PPP2R3A: variants seen among roughly 807,000 people sequenced by gnomAD.
PPP2R3A encodes protein phosphatase 2 regulatory subunit B''alpha, also known as serine/threonine-protein phosphatase 2A regulatory subunit B'' subunit alpha.
A neutral mutation model predicts 106.9 loss-of-function variants in PPP2R3A; 80 were observed. The observed-to-expected ratio is 0.75, with a 90% CI of 0.62 to 0.90. The LOEUF (loss-of-function observed/expected upper bound fraction) is 0.90. Among genes scored for constraint, PPP2R3A ranks in the 40% least tolerant of loss-of-function variants. The pLI is 0.00. For missense variants in PPP2R3A, 1,386 were observed against 1,350.4 expected, an observed-to-expected ratio of 1.03 and a Z score of -0.41; for synonymous variants, 483 against 468.3, an observed-to-expected ratio of 1.03 and a Z score of -0.41.
At chr3:136,076,750 C>T (rs1936609905) in intron 6 of PPP2R3A, among the ~76,000 whole-genome samples, 1 of 152,076 alleles carries the variant, frequency 6.6e-6, no homozygotes, top group African/African-American at 2.4e-5. Flanking sequence ...AGATGGAGAC[C>T]ATCCTGGCTA....
chr3:135,995,881 T>C (rs931046980), intron 1 of PPP2R3A, among the ~76,000 whole-genome samples: 7 of 152,234 alleles, frequency 4.6e-5, no homozygotes, highest in African/African-American at 1.7e-4. Flanking sequence ...ATTCAGACTC[T>C]TTAAAATCAC....
At chr3:136,089,741 A>T (rs1360383257) in intron 9 of PPP2R3A, among the ~76,000 whole-genome samples, 1 of 151,860 alleles carries the variant, frequency 6.6e-6, no homozygotes, top group African/African-American at 2.4e-5. Flanking sequence ...ATGACCATGG[A>T]ATGTTTTTCC....
At chr3:136,023,817 A>G (rs1934552763) in intron 2 of PPP2R3A, among the ~76,000 whole-genome samples, 1 of 152,122 alleles carries the variant, frequency 6.6e-6, no homozygotes, top group Non-Finnish European at 1.5e-5. Flanking sequence ...ATTTCTGCCT[A>G]TGATGAGTAC....
intron 4 of PPP2R3A, among the ~76,000 whole-genome samples, chr3:136,041,239 T>TG (rs1491417251): frequency 0.016 from 96 of 6,028 alleles, 2 homozygotes; most frequent in Middle Eastern, 0.12. Context: ...GTTTTTCTTG[T>TG]TTTTTTTTTT....
At chr3:136,030,577 A>G (rs1156406824) in intron 3 of PPP2R3A, among the ~76,000 whole-genome samples, 1 of 151,614 alleles carries the variant, frequency 6.6e-6, no homozygotes. Context: ...TTAGTCCCCA[A>G]AGTCCATTGT....
rs573705836 is a variant in PPP2R3A at position 135,972,079 on chromosome 3, T to C, written c.-441+6230T>C. On this transcript the variant is annotated intron_variant, in intron 1 of 13. Coordinates refer to ENST00000264977, the MANE Select transcript of PPP2R3A (RefSeq NM_002718.5). ...GCCATCACCGCTAATTCTGGAACAT[T>C]TTCATCACCCCAAAAGGAAACCCTG... Among the ~76,000 whole-genome samples the C allele has an allele frequency of 2.0e-5, 3 of 152,282 alleles. No individual in the cohort carries two copies. The South Asian group carries it at 6.2e-4, about 32-fold the overall frequency.
chr3:136,002,258 A>G lies in PPP2R3A; in HGVS notation c.760A>G (p.Ile254Val), dbSNP rs1404565238. 1.9e-6 allele frequency: 3 copies of G among 1,613,952 alleles called. No individual in the cohort carries two copies. The South Asian group carries it at 3.3e-5, about 18-fold the overall frequency. ...KKCTDIIKQC[I>V]KKKSGSSISE... ...ATGCACAGACATCATAAAACAATGC[A>G]TAAAGAAAAAATCAGGGAGTAGCAT... is the stretch of plus-strand genomic sequence containing the variant. The change falls in exon 2 of 14, where the codon ATA becomes GTA. Residue 254 changes from isoleucine (I) to valine (V), a missense_variant. Physicochemically the swap from Ile to Val is conservative, Grantham distance 29. Coordinates refer to ENST00000264977, the MANE Select transcript of PPP2R3A (RefSeq NM_002718.5).
rs557905930 is a variant in PPP2R3A at position 136,073,869 on chromosome 3, G to A, written c.2544+3317G>A. ...TTTTTCTAGAACAAATGTAAAATAAGGCCTTCTAGTATGAAATTAATTTTG... is the reference window on the plus strand; with the variant it reads ...TTTTTCTAGAACAAATGTAAAATAAAGCCTTCTAGTATGAAATTAATTTTG... On this transcript the variant is annotated intron_variant, in intron 6 of 13. Coordinates refer to ENST00000264977, the MANE Select transcript of PPP2R3A (RefSeq NM_002718.5). 3.3e-4 allele frequency among the ~76,000 whole-genome samples: 50 copies of A among 152,212 alleles called. 1 individual carries two copies. The Middle Eastern group carries it at 0.027, about 83-fold the overall frequency.
intron 1 of PPP2R3A, among the ~76,000 whole-genome samples, chr3:135,998,972 GAA>G (rs1469148158): frequency 1.3e-5 from 2 of 152,132 alleles, no homozygotes; most frequent in African/African-American, 4.8e-5. Flanking sequence ...TTTCTGAAAA[GAA>G]CATTTATTAA....
At chr3:135,967,663 G>C (rs1937125208) in intron 1 of PPP2R3A, among the ~76,000 whole-genome samples, 1 of 152,102 alleles carries the variant, frequency 6.6e-6, no homozygotes, top group Non-Finnish European at 1.5e-5. Flanking sequence ...TCTGGCCCCT[G>C]TTACCTTTCA....
At chr3:135,979,261 C>A (rs1459656066) in intron 1 of PPP2R3A, among the ~76,000 whole-genome samples, 1 of 151,538 alleles carries the variant, frequency 6.6e-6, no homozygotes, top group Non-Finnish European at 1.5e-5. Flanking sequence ...CACCTGCAAT[C>A]CCAGCTACTC....
chr3:136,134,931 T>C (rs1010591448), intron 13 of PPP2R3A, among the ~76,000 whole-genome samples: 23 of 152,140 alleles, frequency 1.5e-4, no homozygotes, highest in African/African-American at 5.5e-4. Context: ...AAAATATTAC[T>C]ATTGTTTTAT....
In PPP2R3A at chr3:136,092,587, T is replaced by C. The variant is rs112052269; in HGVS notation, c.2927+1920T>C. Among the ~76,000 whole-genome samples, 1,163 of 152,008 alleles carry C rather than the reference T, an allele frequency of 7.7e-3. 24 individuals are homozygous for C. Among genetic ancestry groups the C allele is most frequent in the African/African-American group, 0.026 (1,059 of 41,446 alleles). ...CAATGCTGAAAAAGTACAGAAAAAA[T>C]GTAGGACTCATATTTCCCTATTCCA... On this transcript the variant is annotated intron_variant, in intron 10 of 13. Transcript: ENST00000264977.
chr3:136,091,132 C>T (rs936372715), intron 10 of PPP2R3A, among the ~76,000 whole-genome samples: 4 of 152,164 alleles, frequency 2.6e-5, no homozygotes, highest in African/African-American at 9.7e-5. Flanking sequence ...TATTAATTTA[C>T]ACATTTCTTT....
At chr3:136,058,564 A>G (rs1935960927) in intron 5 of PPP2R3A, among the ~76,000 whole-genome samples, 1 of 152,248 alleles carries the variant, frequency 6.6e-6, no homozygotes, top group Non-Finnish European at 1.5e-5. Context: ...GCAAGAATTA[A>G]TATCACTAAA....
At chr3:136,051,237 T>C (rs1253344175) in intron 5 of PPP2R3A, among the ~76,000 whole-genome samples, 1 of 152,276 alleles carries the variant, frequency 6.6e-6, no homozygotes, top group Non-Finnish European at 1.5e-5. Flanking sequence ...TAAATCCTTG[T>C]TAGCTCTTAG....
chr3:136,036,706 C>T (rs1201868306), intron 3 of PPP2R3A, among the ~76,000 whole-genome samples: 2 of 152,120 alleles, frequency 1.3e-5, no homozygotes, highest in Non-Finnish European at 1.5e-5. Flanking sequence ...TGTTCTGGAG[C>T]GAAAATTCTC....
chr3:136,135,120 G>A (rs1451324959), intron 13 of PPP2R3A, among the ~76,000 whole-genome samples: 1 of 152,042 alleles, frequency 6.6e-6, no homozygotes, highest in Non-Finnish European at 1.5e-5. Flanking sequence ...GGAGGCAGGG[G>A]GTTGCAGACA....
At chr3:136,090,370 T>G (rs1455904581) in intron 9 of PPP2R3A, among the ~76,000 whole-genome samples, 1 of 152,216 alleles carries the variant, frequency 6.6e-6, no homozygotes, top group Non-Finnish European at 1.5e-5. Flanking sequence ...CCAGATTTCT[T>G]TTCTTCATAT....
Sources: gnomAD v4.1 joint callset for allele counts (sites outside exome capture counted in the v4.1 genomes callset) on GRCh38, gnomAD v4.1.1 for gene constraint, MANE v1.5 for transcripts, NCBI Gene and HGNC (gene_info 2026-07-23, HGNC 2026-07-21) for gene names.